The following KCNQ1 variants were observed in gnomAD, a reference collection of about 807,000 sequenced individuals.
KCNQ1 encodes the protein potassium voltage-gated channel subfamily KQT member 1.
KCNQ1 carries 49 observed loss-of-function variants against 72.4 expected under a neutral mutation model. That is an observed-to-expected ratio of 0.68 (90% CI 0.54 to 0.86). The LOEUF is 0.86. KCNQ1 is among the 40% of genes least tolerant of loss of function. The probability of loss-of-function intolerance (pLI) is 0.00; values close to 1 mark genes in which losing one functional copy is unlikely to be tolerated. For synonymous variants in KCNQ1, 450 were observed against 412.6 expected, an observed-to-expected ratio of 1.09 and a Z score of -1.10; for missense variants, 790 against 945.1, an observed-to-expected ratio of 0.84 and a Z score of 2.15.
At chr11:2,730,574 G>A (rs1412069733) in intron 11 of KCNQ1, among the ~76,000 whole-genome samples, 2 of 152,232 alleles carry the variant, frequency 1.3e-5, no homozygotes, top group African/African-American at 2.4e-5. Flanking sequence ...GCGTGGTGGG[G>A]TCTGGCAGAG....
At position 2,691,643 on chromosome 11, in the gene KCNQ1, C is replaced by T. The variant is rs184619045; in HGVS notation, c.1514+29562C>T. On this transcript the variant is annotated intron_variant, in intron 11 of 15. Transcript: ENST00000155840. The surrounding 1 kb of genome is among the most constrained non-coding windows in gnomAD (Gnocchi z 6.4). ...CGTACTGTGGGGAGGTCCTCTTTAC[C>T]GCCACAGTTCCAAGGGTGAAACAGA... 872 of 398,524 alleles carry T rather than the reference C, an allele frequency of 2.2e-3. 4 individuals carry two copies. Among genetic ancestry groups the T allele is most frequent in the African/African-American group, 0.015 (747 of 48,712 alleles). 24.7% of individuals were successfully genotyped at this position (398,524 alleles called of 1,614,324 possible).
intron 13 of KCNQ1, 100 bp downstream of exon 13, chr11:2,776,154 C>A (rs886800099): frequency 3.2e-5 from 34 of 1,054,014 alleles, no homozygotes; most frequent in Admixed American, 8.4e-5. Flanking sequence ...GGGCTGAGAC[C>A]CTGAGTTCTT....
intron 10 of KCNQ1, chr11:2,630,030 T>C (rs570078170): frequency 1.1e-4 from 43 of 397,694 alleles, no homozygotes; most frequent in African/African-American, 7.6e-4. Flanking sequence ...CTTTTCAGCA[T>C]TGAGTATGAT....
rs1364081489 is a variant in KCNQ1, at chr11:2,626,561, C to T, written c.1394-35400C>T. On this transcript the variant is annotated intron_variant, in intron 10 of 15. Transcript: ENST00000155840. This position sits in a 1 kb window ranked among gnomAD's most constrained non-coding sequence, Gnocchi z 4.0. ...TTTGTTTGTTTTTCAGACATTCTTA[C>T]TCTGTTGCCCACGCTGGAGTACAGT... 1 of 398,462 alleles carries T rather than the reference C, an allele frequency of 2.5e-6. No homozygotes were observed. Among genetic ancestry groups the T allele is most frequent in the Admixed American group, 4.4e-5 (1 of 22,702 alleles). 24.7% of individuals were successfully genotyped at this position (398,462 alleles called of 1,614,324 possible).
At position 2,598,621 on chromosome 11, in the gene KCNQ1, A is replaced by AAAAAC. The variant is rs71302041; in HGVS notation, c.1393+9767_1393+9768insAAAAC. Among the ~76,000 whole-genome samples, 1 of 151,358 alleles carries AAAAAC rather than the reference A, an allele frequency of 6.6e-6. No individual in the cohort carries two copies. Among genetic ancestry groups the AAAAAC allele is most frequent in the Non-Finnish European group, 1.5e-5 (1 of 67,942 alleles). The stretch of plus-strand genomic sequence containing the variant: ...CTCTGCCCTTAGTTAAAAAAAAAAA[A>AAAAAC]CCCTAATACATCTGCCAAATTCTGA... On this transcript the variant is annotated intron_variant, in intron 10 of 15. Coordinates refer to ENST00000155840, the MANE Select transcript of KCNQ1 (RefSeq NM_000218.3). The surrounding 1 kb of genome is among the most constrained non-coding windows in gnomAD (Gnocchi z 6.2).
chr11:2,772,050 T>C lies in KCNQ1; in HGVS notation c.1590+3131T>C, dbSNP rs1846610209. Among the ~76,000 whole-genome samples, 1 of 152,124 alleles carries C rather than the reference T, an allele frequency of 6.6e-6. No homozygotes were observed. Among genetic ancestry groups the C allele is most frequent in the South Asian group, 2.1e-4 (1 of 4,836 alleles). On this transcript the variant is annotated intron_variant, in intron 12 of 15. Coordinates refer to ENST00000155840, the MANE Select transcript of KCNQ1 (RefSeq NM_000218.3). This position sits in a 1 kb window ranked among gnomAD's most constrained non-coding sequence, Gnocchi z 6.6. ...CACAGAGGCTCCTGCACAAAGCCGC[T>C]GGGGCTCCCTCCGACCTCACCAGCT...
chr11:2,557,583 C>T (rs185599849), intron 2 of KCNQ1, among the ~76,000 whole-genome samples: 26 of 152,360 alleles, frequency 1.7e-4, no homozygotes, highest in South Asian at 1.4e-3. Flanking sequence ...CTCAGTGGGA[C>T]GGCTCATCTC....
At chr11:2,514,603 G>T (rs1387362200) in intron 1 of KCNQ1, among the ~76,000 whole-genome samples, 2 of 152,218 alleles carry the variant, frequency 1.3e-5, no homozygotes, top group African/African-American at 2.4e-5. Context: ...AGGCCAAGGG[G>T]ATCACGAGGT....
In KCNQ1 at chr11:2,652,354, T is replaced by C. The variant is rs1849770771; in HGVS notation, c.1394-9607T>C. ...GAACTGGCACATTTCCGCGATGTTG[T>C]GATGAAGGTGAAAAGATCGCTCTTA... is the stretch of plus-strand genomic sequence containing the variant. On this transcript the variant is annotated intron_variant, in intron 10 of 15. Transcript: ENST00000155840. The surrounding 1 kb of genome is among the most constrained non-coding windows in gnomAD (Gnocchi z 5.9). 1 of 398,558 alleles carries C rather than the reference T, an allele frequency of 2.5e-6. No homozygotes were observed. The highest frequency in any genetic ancestry group is 4.4e-5 in the Admixed American group (1 of 22,718). 24.7% of individuals were successfully genotyped at this position (398,558 alleles called of 1,614,324 possible). A position where few individuals can be genotyped will look rare whatever the true frequency, so the allele number is the denominator to read the frequency against.
rs530238663 is a variant in KCNQ1, at chr11:2,848,185, G to A, written c.*182G>A. 187 of 703,860 alleles carry A rather than the reference G, an allele frequency of 2.7e-4. No individual in the cohort carries two copies. The highest frequency in any genetic ancestry group is 4.4e-4 in the Non-Finnish European group (175 of 398,856). The allele number at this position is 703,860 out of a possible 1,614,324, so 43.6% of individuals were successfully genotyped here. A position where few individuals can be genotyped will look rare whatever the true frequency, so the allele number is the denominator to read the frequency against. ...AGCCTGCACTTGGGGGCTCAGCAAG[G>A]CCACCTCTTCCTGGCCGGTGTGGGG... On this transcript the variant is annotated 3_prime_UTR_variant, in exon 16 of 16. Coordinates refer to ENST00000155840, the MANE Select transcript of KCNQ1 (RefSeq NM_000218.3).
chr11:2,848,066 G>A lies in KCNQ1; in HGVS notation c.*63G>A, dbSNP rs1359597562. On this transcript the variant is annotated 3_prime_UTR_variant, in exon 16 of 16. Coordinates refer to ENST00000155840, the MANE Select transcript of KCNQ1 (RefSeq NM_000218.3). Reference sequence around the variant, plus strand: ...GGGAGGCCAAGAGTGGCCCCACCTGGCCCTCTCTGAAGGAGGCCACCTCCT... The same window carrying A: ...GGGAGGCCAAGAGTGGCCCCACCTGACCCTCTCTGAAGGAGGCCACCTCCT... The A allele has an allele frequency of 2.1e-6, 3 of 1,405,350 alleles. No individual in the cohort carries two copies. Among genetic ancestry groups the A allele is most frequent in the African/African-American group, 2.8e-5 (2 of 70,566 alleles). The allele number at this position is 1,405,350 out of a possible 1,614,324, so 87.1% of individuals were successfully genotyped here. A position where few individuals can be genotyped will look rare whatever the true frequency, so the allele number is the denominator to read the frequency against.
rs1564852852 is a variant in KCNQ1 at position 2,671,250 on chromosome 11, G to A, written c.1514+9169G>A. The A allele has an allele frequency of 2.5e-5, 10 of 398,454 alleles. No homozygotes were observed. The highest frequency in any genetic ancestry group is 4.0e-5 in the Non-Finnish European group (9 of 226,080). The allele number at this position is 398,454 out of a possible 1,614,324, so 24.7% of individuals were successfully genotyped here. On this transcript the variant is annotated intron_variant, in intron 11 of 15. Coordinates refer to ENST00000155840, the MANE Select transcript of KCNQ1 (RefSeq NM_000218.3). This position sits in a 1 kb window ranked among gnomAD's most constrained non-coding sequence, Gnocchi z 4.7. Reference sequence around the variant, plus strand: ...GAGTCCAGGTCTGACCTCAAAATCCGATGTCCCCACCATCCCCAGCCCCTT... The same window carrying A: ...GAGTCCAGGTCTGACCTCAAAATCCAATGTCCCCACCATCCCCAGCCCCTT...
intron 11 of KCNQ1, among the ~76,000 whole-genome samples, chr11:2,758,304 G>T (rs1846336301): frequency 6.6e-6 from 1 of 152,154 alleles, no homozygotes; most frequent in Non-Finnish European, 1.5e-5. Flanking sequence ...ACCAAAAGAT[G>T]ATCAACTTCG....
Position 2,704,363 on chromosome 11 carries a change from C to T in KCNQ1, c.1514+42282C>T, listed in dbSNP as rs759642757. Among the ~76,000 whole-genome samples, 6 of 152,236 alleles carry T rather than the reference C, an allele frequency of 3.9e-5. No homozygotes were observed. Among genetic ancestry groups the T allele is most frequent in the East Asian group, 1.9e-4 (1 of 5,190 alleles). ...CTCTGTTCCCACTGAGCCCATGAGA[C>T]GGCTATTCCTTTGAGACATGTTTAC... On this transcript the variant is annotated intron_variant, in intron 11 of 15. Transcript: ENST00000155840. The surrounding 1 kb of genome is among the most constrained non-coding windows in gnomAD (Gnocchi z 4.3).
chr11:2,789,084 C>A (rs930957853), intron 15 of KCNQ1, among the ~76,000 whole-genome samples: 2 of 152,196 alleles, frequency 1.3e-5, no homozygotes, highest in African/African-American at 4.8e-5. Context: ...CCAAAGGCCA[C>A]CCCTGGAACC....
intron 11 of KCNQ1, among the ~76,000 whole-genome samples, chr11:2,700,702 A>G (rs944120312): frequency 2.0e-5 from 3 of 151,666 alleles, no homozygotes; most frequent in Non-Finnish European, 2.9e-5. Flanking sequence ...ATGCCAGGCC[A>G]CCCACCTGGC....
chr11:2,841,504 C>A (rs1848210271), intron 15 of KCNQ1, among the ~76,000 whole-genome samples: 1 of 152,140 alleles, frequency 6.6e-6, no homozygotes, highest in Non-Finnish European at 1.5e-5. Context: ...ATGCTCCAGA[C>A]CAGAGAGCCA....
rs997175297 is a variant in KCNQ1, at chr11:2,800,359, G to A, written c.1794+22322G>A. Among the ~76,000 whole-genome samples, 16 of 152,204 alleles carry A rather than the reference G, an allele frequency of 1.1e-4. No individual in the cohort carries two copies. In the East Asian group the frequency reaches 1.2e-3, roughly 11 times the overall value. ...AGAGGCTATAGAGGAGGTTTCCAGC[G>A]CCTCAGTGCAGGCAGCTGAGCCCAG... On this transcript the variant is annotated intron_variant, in intron 15 of 15. Coordinates refer to ENST00000155840, the MANE Select transcript of KCNQ1 (RefSeq NM_000218.3).
chr11:2,500,160 ATTTG>A lies in KCNQ1; in HGVS notation c.387-27762_387-27759del, dbSNP rs757166910. On this transcript the variant is annotated intron_variant, in intron 1 of 15. Coordinates refer to ENST00000155840, the MANE Select transcript of KCNQ1 (RefSeq NM_000218.3). ...AACACAACTTACCAAAACCTGTGGG[ATTTG>A]TTTGTGTCTTTTTTACTTCCTTGAG... is the stretch of plus-strand genomic sequence containing the variant. 2.6e-5 allele frequency among the ~76,000 whole-genome samples: 4 copies of A among 152,342 alleles called. No individual in the cohort carries two copies. In the East Asian group the frequency reaches 7.7e-4, roughly 29 times the overall value.
Sources: allele counts gnomAD v4.1 joint callset (sites outside exome capture counted in the v4.1 genomes callset), GRCh38; gene constraint gnomAD v4.1.1; non-coding constraint Gnocchi (gnomAD v3.1); transcripts MANE v1.5; gene names NCBI Gene and HGNC (gene_info 2026-07-23, HGNC 2026-07-21).